NXPE2: variants seen among roughly 807,000 people sequenced by gnomAD.
The protein encoded by NXPE2 is NXPE family member 2.
In NXPE2, 34 loss-of-function variants were observed where a neutral mutation model predicts 34.4. The ratio of observed to expected loss-of-function variants is 0.99; its 90% confidence interval spans 0.75 to 1.31. The LOEUF (loss-of-function observed/expected upper bound fraction) is 1.31, where lower values mean the gene tolerates loss of function less well. Ranked by LOEUF, NXPE2 falls within the 40% of genes most tolerant of loss-of-function variation. The pLI, the probability that NXPE2 is intolerant of heterozygous loss-of-function variation, is 0.00. For missense variants in NXPE2, 649 were observed against 672.5 expected, an observed-to-expected ratio of 0.97 and a Z score of 0.39; for synonymous variants, 235 against 231.3, an observed-to-expected ratio of 1.02 and a Z score of -0.15.
chr11:114,630,901 C>T, the NXPE2 span, among the ~76,000 whole-genome samples: 1 of 151,502 alleles, frequency 6.6e-6, no homozygotes, highest in Non-Finnish European at 1.5e-5. Flanking sequence ...GACATTTATG[C>T]AGCCAAAAAA....
the NXPE2 span, among the ~76,000 whole-genome samples, chr11:114,637,825 A>G: frequency 1.3e-5 from 2 of 152,018 alleles, no homozygotes; most frequent in African/African-American, 4.8e-5. Flanking sequence ...GTTTCTGCCA[A>G]GAGATCTGCT....
chr11:114,655,933 T>C, the NXPE2 span, among the ~76,000 whole-genome samples: 1 of 152,104 alleles, frequency 6.6e-6, no homozygotes, highest in Admixed American at 6.6e-5. Flanking sequence ...GCTAGGGCAA[T>C]CAGGCAAGAG....
chr11:114,647,208 C>T, the NXPE2 span, among the ~76,000 whole-genome samples: 1 of 152,218 alleles, frequency 6.6e-6, no homozygotes, highest in East Asian at 1.9e-4. Context: ...TCACCTTCTA[C>T]ATTCGTAGAT....
chr11:114,522,023 G>A, the NXPE2 span: 3 of 1,613,806 alleles, frequency 1.9e-6, no homozygotes, highest in East Asian at 6.7e-5. Flanking sequence ...ATGATCAGGT[G>A]GGTGGATAGT....
chr11:114,733,036 TTC>T, the NXPE2 span, among the ~76,000 whole-genome samples: 2 of 152,238 alleles, frequency 1.3e-5, no homozygotes, highest in Non-Finnish European at 2.9e-5. Context: ...TTTTTTAGTA[TTC>T]TGTTTGTTGA....
the NXPE2 span, among the ~76,000 whole-genome samples, chr11:114,747,874 A>G: frequency 0.48 from 73,443 of 152,068 alleles, 20,071 homozygotes; most frequent in Middle Eastern, 0.64. Context: ...AATATGATAT[A>G]TTATCAAGTA....
the NXPE2 span, among the ~76,000 whole-genome samples, chr11:114,496,150 C>CT: frequency 6.6e-6 from 1 of 152,136 alleles, no homozygotes; most frequent in Admixed American, 6.5e-5. Context: ...CACCCCAGAG[C>CT]TTTTTAGCCC....
chr11:114,716,173 A>G, the NXPE2 span, among the ~76,000 whole-genome samples: 1 of 152,084 alleles, frequency 6.6e-6, no homozygotes, highest in African/African-American at 2.4e-5. Context: ...CTGGGTTTTT[A>G]CCAATGGTGC....
chr11:114,521,630 C>T, the NXPE2 span: 1 of 210,410 alleles, frequency 4.8e-6, no homozygotes, highest in Admixed American at 5.3e-5. Flanking sequence ...TAGGCCTTTT[C>T]AATAGACAGA....
chr11:114,632,389 A>G, the NXPE2 span, among the ~76,000 whole-genome samples: 1 of 133,726 alleles, frequency 7.5e-6, no homozygotes, highest in Admixed American at 8.8e-5. Context: ...TATATGATAT[A>G]AATATAAATA....
the NXPE2 span, among the ~76,000 whole-genome samples, chr11:114,660,869 C>T: frequency 3.3e-5 from 5 of 151,986 alleles, no homozygotes; most frequent in Non-Finnish European, 5.9e-5. Flanking sequence ...ATAAAATCTA[C>T]CAGAACTATT....
the NXPE2 span, among the ~76,000 whole-genome samples, chr11:114,793,610 G>A: frequency 6.6e-6 from 1 of 152,234 alleles, no homozygotes; most frequent in Non-Finnish European, 1.5e-5. Context: ...GAGCAGAGAA[G>A]ATTGGGTAGT....
At chr11:114,491,995 T>A in the NXPE2 span, among the ~76,000 whole-genome samples, 1 of 151,952 alleles carries the variant, frequency 6.6e-6, no homozygotes, top group East Asian at 1.9e-4. Context: ...AACATCACGC[T>A]CTGGGGACTG....
At chr11:114,693,089 G>A (rs537531802) in intron 2 of NXPE2, among the ~76,000 whole-genome samples, 4 of 152,092 alleles carry the variant, frequency 2.6e-5, no homozygotes, top group South Asian at 4.2e-4. Flanking sequence ...ATTATATACC[G>A]AATCTTATCC....
the NXPE2 span, among the ~76,000 whole-genome samples, chr11:114,759,157 G>A: frequency 6.6e-6 from 1 of 152,196 alleles, no homozygotes; most frequent in East Asian, 1.9e-4. Flanking sequence ...TGTCAGCTAG[G>A]ATTCCAGCTG....
the NXPE2 span, chr11:114,522,865 A>ATTCTAAG: frequency 6.4e-7 from 1 of 1,572,068 alleles, no homozygotes; most frequent in East Asian, 2.2e-5. Flanking sequence ...AGAGAATATA[A>ATTCTAAG]AGTAACTACC....
chr11:114,556,861 C>T, the NXPE2 span, among the ~76,000 whole-genome samples: 294 of 150,380 alleles, frequency 2.0e-3, 1 homozygote, highest in African/African-American at 6.1e-3. Context: ...TTTGTCCCAC[C>T]TTCTCTATTT....
chr11:114,500,969 T>C, the NXPE2 span, among the ~76,000 whole-genome samples: 30 of 152,338 alleles, frequency 2.0e-4, no homozygotes, highest in East Asian at 5.8e-3. Context: ...TCTGTTTCTA[T>C]ACTTGCAGTT....
At chr11:114,724,771 C>T in the NXPE2 span, among the ~76,000 whole-genome samples, 2 of 151,756 alleles carry the variant, frequency 1.3e-5, no homozygotes, top group African/African-American at 2.4e-5. Context: ...CTACCTTTTC[C>T]ACCCCTCTCT....
Sources: gnomAD v4.1 joint callset for allele counts (sites outside exome capture counted in the v4.1 genomes callset) on GRCh38, gnomAD v4.1.1 for gene constraint, MANE v1.5 for transcripts, NCBI Gene and HGNC (gene_info 2026-07-23, HGNC 2026-07-21) for gene names.